Variants in IFT25 observed in about 807,000 individuals in gnomAD.
IFT25 encodes intraflagellar transport 25, also known as intraflagellar transport protein 25 homolog.
chr1:53,935,989 C>T, the IFT25 span, among the ~76,000 whole-genome samples: 10 of 151,868 alleles, frequency 6.6e-5, no homozygotes, highest in African/African-American at 1.9e-4. Flanking sequence ...AGGCCGGGCG[C>T]GGTGGCTCAT....
chr1:53,936,080 T>C, the IFT25 span, among the ~76,000 whole-genome samples: 1 of 150,922 alleles, frequency 6.6e-6, no homozygotes, highest in South Asian at 2.1e-4. Flanking sequence ...GCCAATATGG[T>C]GAAACCCTGT....
At chr1:53,914,080 C>T in the IFT25 span, among the ~76,000 whole-genome samples, 1 of 152,220 alleles carries the variant, frequency 6.6e-6, no homozygotes, top group African/African-American at 2.4e-5. Flanking sequence ...TGATTCTCTC[C>T]AGCTCCATCT....
the IFT25 span, chr1:53,921,443 T>C: frequency 2.0e-6 from 1 of 506,076 alleles, no homozygotes; most frequent in Non-Finnish European, 3.6e-6. Flanking sequence ...TTGATTAAGC[T>C]ATATACTGAA....
the IFT25 span, among the ~76,000 whole-genome samples, chr1:53,913,619 T>G: frequency 6.6e-6 from 1 of 152,170 alleles, no homozygotes; most frequent in Non-Finnish European, 1.5e-5. Flanking sequence ...TTACACTCCC[T>G]TTACTTTGGA....
the IFT25 span, among the ~76,000 whole-genome samples, chr1:53,932,707 G>A: frequency 6.6e-6 from 1 of 152,068 alleles, no homozygotes; most frequent in Admixed American, 6.5e-5. Flanking sequence ...TGGGACTACA[G>A]GTACACGCCA....
chr1:53,921,615 A>G, the IFT25 span: 1,567 of 1,196,494 alleles, frequency 1.3e-3, 13 homozygotes, highest in African/African-American at 0.021. Context: ...GTTTAAATAT[A>G]TTGTTAAAAA....
chr1:53,927,108 A>G, the IFT25 span, among the ~76,000 whole-genome samples: 3 of 152,290 alleles, frequency 2.0e-5, no homozygotes, highest in South Asian at 6.2e-4. Flanking sequence ...TATAGATTGG[A>G]AATTAGAGCT....
the IFT25 span, among the ~76,000 whole-genome samples, chr1:53,921,039 G>A: frequency 3.9e-5 from 6 of 152,242 alleles, no homozygotes; most frequent in South Asian, 2.1e-4. Flanking sequence ...CAGGCATGGC[G>A]TTATGCACCT....
the IFT25 span, among the ~76,000 whole-genome samples, chr1:53,941,966 ACT>A: frequency 1.3e-5 from 2 of 152,298 alleles, 1 homozygote; most frequent in South Asian, 4.1e-4. Flanking sequence ...GATATTTCTA[ACT>A]CTGAGTGGCT....
the IFT25 span, among the ~76,000 whole-genome samples, chr1:53,914,115 C>T: frequency 3.9e-5 from 6 of 152,328 alleles, no homozygotes; most frequent in African/African-American, 1.2e-4. Flanking sequence ...TTATTAACCT[C>T]GAGGCTCTCT....
At chr1:53,929,292 G>A in the IFT25 span, among the ~76,000 whole-genome samples, 2 of 152,170 alleles carry the variant, frequency 1.3e-5, no homozygotes, top group African/African-American at 4.8e-5. Flanking sequence ...ACAGGCTTCA[G>A]CTCTCACAGA....
the IFT25 span, among the ~76,000 whole-genome samples, chr1:53,939,317 G>C: frequency 6.6e-6 from 1 of 151,456 alleles, no homozygotes; most frequent in Non-Finnish European, 1.5e-5. Flanking sequence ...CTTGAACCTG[G>C]GAGTTGGAGG....
the IFT25 span, among the ~76,000 whole-genome samples, chr1:53,937,416 C>T: frequency 3.9e-5 from 6 of 152,172 alleles, no homozygotes; most frequent in African/African-American, 1.4e-4. Context: ...CCGCGCCTGG[C>T]CAGAAATTAA....
At chr1:53,943,022 G>A in the IFT25 span, among the ~76,000 whole-genome samples, 1 of 152,036 alleles carries the variant, frequency 6.6e-6, no homozygotes, top group Non-Finnish European at 1.5e-5. Flanking sequence ...ATAGAAATGC[G>A]ACTATAATTT....
At chr1:53,939,879 T>C in the IFT25 span, 1 of 680,108 alleles carries the variant, frequency 1.5e-6, no homozygotes, top group African/African-American at 1.9e-5. Context: ...CCACCAAACA[T>C]TTATTAAACT....
the IFT25 span, among the ~76,000 whole-genome samples, chr1:53,922,445 G>A: frequency 1.3e-5 from 2 of 150,560 alleles, no homozygotes; most frequent in Middle Eastern, 3.5e-3. Flanking sequence ...TAATAAAGAA[G>A]TTTCCTTTGG....
chr1:53,939,074 CA>C, the IFT25 span, among the ~76,000 whole-genome samples: 391 of 22,546 alleles, frequency 0.017, 1 homozygote, highest in African/African-American at 0.038. Flanking sequence ...AACTCCGTCT[CA>C]AAAAAAAAAA....
the IFT25 span, among the ~76,000 whole-genome samples, chr1:53,930,855 TC>T: frequency 2.0e-5 from 3 of 152,200 alleles, no homozygotes; most frequent in African/African-American, 7.2e-5. Flanking sequence ...AAACATGCAC[TC>T]AATTTTAAGT....
the IFT25 span, chr1:53,928,317 CA>C: frequency 7.5e-7 from 1 of 1,330,132 alleles, no homozygotes; most frequent in African/African-American, 1.4e-5. Context: ...AATGCAGAAT[CA>C]AAGGAATATT....
Sources: allele counts gnomAD v4.1 joint callset (sites outside exome capture counted in the v4.1 genomes callset), GRCh38; gene constraint gnomAD v4.1.1; transcripts MANE v1.5; gene names NCBI Gene and HGNC (gene_info 2026-07-23, HGNC 2026-07-21).